DDX10: variants seen among roughly 807,000 people sequenced by gnomAD.
DDX10 encodes the protein DEAD-box helicase 10.
In DDX10, 74 loss-of-function variants were observed where a neutral mutation model predicts 104.3. The ratio of observed to expected loss-of-function variants is 0.71; its 90% CI spans 0.59 to 0.86. The LOEUF is 0.86. Among genes scored for constraint, DDX10 ranks in the 40% least tolerant of loss-of-function variants. The pLI is 0.00. For missense variants in DDX10, 952 were observed against 1,040.0 expected (o/e 0.92, Z 1.16); for synonymous variants, 351 against 353.4 (o/e 0.99, Z 0.08).
intron 13 of DDX10, among the ~76,000 whole-genome samples, chr11:108,750,083 G>A (rs2094336507): frequency 6.6e-6 from 1 of 152,064 alleles, no homozygotes; most frequent in Non-Finnish European, 1.5e-5. Flanking sequence ...TTGAGCTGGT[G>A]CTGCAAGGAA....
intron 17 of DDX10, among the ~76,000 whole-genome samples, chr11:108,928,275 C>A (rs1331390172): frequency 1.3e-5 from 2 of 152,206 alleles, no homozygotes; most frequent in African/African-American, 4.8e-5. Flanking sequence ...ATCAGTGAAT[C>A]AGTCTCTCTC....
At position 108,837,607 on chromosome 11, in the gene DDX10, C is replaced by CTTTTTTTTTTTTTTTTT. The variant is rs142381520; in HGVS notation, c.1966-820_1966-804dup. 2.6e-4 allele frequency among the ~76,000 whole-genome samples: 9 copies of CTTTTTTTTTTTTTTTTT among 34,748 alleles called. 4 individuals are homozygous for CTTTTTTTTTTTTTTTTT. Among genetic ancestry groups the CTTTTTTTTTTTTTTTTT allele is most frequent in the African/African-American group, 6.3e-4 (5 of 7,928 alleles). 22.8% of individuals were successfully genotyped at this position (34,748 alleles called of 152,430 possible). A position where few individuals can be genotyped will look rare whatever the true frequency, so the allele number is the denominator to read the frequency against. On this transcript the variant is annotated intron_variant, in intron 13 of 17. Transcript: ENST00000322536. The stretch of plus-strand genomic sequence containing the variant: ...TTCTGCATCTCACCTTTGGATACAG[C>CTTTTTTTTTTTTTTTTT]TTTTTTTTTTTTTTTTTTTTTTTTT...
In DDX10 at chr11:108,750,926, C is replaced by CTT. The variant is rs10582729; in HGVS notation, c.1965+27501_1965+27502dup. ...ACATGTGCATCACCACACCTGGTTA[C>CTT]TTTTTTTTTTTTTTTTTTTTTTTTT... On this transcript the variant is annotated intron_variant, in intron 13 of 17. Transcript: ENST00000322536. Among the ~76,000 whole-genome samples the CTT allele has an allele frequency of 7.8e-4, 19 of 24,262 alleles. 3 individuals are homozygous for CTT. Among genetic ancestry groups the CTT allele is most frequent in the East Asian group, 4.0e-3 (2 of 500 alleles). 15.9% of individuals were successfully genotyped at this position (24,262 alleles called of 152,430 possible).
At chr11:108,930,738 A>G (rs560383758) in intron 17 of DDX10, among the ~76,000 whole-genome samples, 1 of 152,310 alleles carries the variant, frequency 6.6e-6, no homozygotes, top group African/African-American at 2.4e-5. Flanking sequence ...CGTTTAAAAT[A>G]CAGTAGACTG....
chr11:108,674,896 C>A (rs1181123006), intron 2 of DDX10, among the ~76,000 whole-genome samples: 1 of 152,182 alleles, frequency 6.6e-6, no homozygotes, highest in Middle Eastern at 3.2e-3. Context: ...TTACTTCCCC[C>A]AGCTTCTGGT....
chr11:108,745,285 C>G (rs570735583), intron 13 of DDX10, among the ~76,000 whole-genome samples: 1 of 145,696 alleles, frequency 6.9e-6, no homozygotes, highest in African/African-American at 2.5e-5. Flanking sequence ...TTCCGTCTTA[C>G]TCTGTCACCC....
chr11:108,673,521 T>C lies in DDX10; in HGVS notation c.241T>C (p.Leu81=). The C allele has an allele frequency of 2.5e-6, 4 of 1,591,712 alleles. No individual in the cohort carries two copies. Among genetic ancestry groups the C allele is most frequent in the Admixed American group, 1.7e-5 (1 of 59,468 alleles). Residue 81 remains leucine, a synonymous_variant, in exon 2 of 18, where the codon TTG becomes CTG. Transcript: ENST00000322536. The part of the protein sequence containing the change: ...FSDFPLSKKT[L]KGLQEAQYRL... ...AGATTTTCCCTTGTCCAAAAAAACA[T>C]TGAAAGGTAAGTATATGGTGATCTT...
chr11:108,767,236 A>T (rs1006618221), intron 13 of DDX10: 1 of 152,188 alleles, frequency 6.6e-6, no homozygotes, highest in Admixed American at 6.5e-5. Context: ...TTATACTGAG[A>T]TGCTTTTGGA....
chr11:108,680,034 A>G (rs2134441797), intron 6 of DDX10, among the ~76,000 whole-genome samples: 1 of 152,354 alleles, frequency 6.6e-6, no homozygotes. Flanking sequence ...AGGATTATGC[A>G]GTACTAATGT....
Position 108,856,215 on chromosome 11 carries a change from C to T in DDX10, c.2304+4006C>T, listed in dbSNP as rs186739478. Reference sequence around the variant, plus strand: ...GAGGCCGAGATGGGTGGATCACCTGCGGTGAGGGGTTCAAGACCAGCCTGG... The same window carrying T: ...GAGGCCGAGATGGGTGGATCACCTGTGGTGAGGGGTTCAAGACCAGCCTGG... On this transcript the variant is annotated intron_variant, in intron 16 of 17. Transcript: ENST00000322536. Among the ~76,000 whole-genome samples the T allele has an allele frequency of 1.3e-3, 200 of 152,112 alleles. 2 individuals carry two copies. The highest frequency in any genetic ancestry group is 4.5e-3 in the African/African-American group (187 of 41,512).
chr11:108,774,395 T>G (rs2094367159), intron 13 of DDX10, among the ~76,000 whole-genome samples: 1 of 152,250 alleles, frequency 6.6e-6, no homozygotes. Context: ...GCTGTTATCT[T>G]TTTGTCCTTG....
intron 9 of DDX10, among the ~76,000 whole-genome samples, chr11:108,706,294 T>G (rs2134461251): frequency 6.6e-6 from 1 of 152,252 alleles, no homozygotes; most frequent in East Asian, 1.9e-4. Flanking sequence ...TTCTTATAAC[T>G]AATGCTTCAG....
intron 15 of DDX10, among the ~76,000 whole-genome samples, chr11:108,843,962 T>C (rs550608735): frequency 6.6e-6 from 1 of 152,356 alleles, no homozygotes; most frequent in Admixed American, 6.5e-5. Context: ...CATTTTCGCT[T>C]AGCTTTGAGC....
At chr11:108,841,114 T>C (rs1049386990) in intron 14 of DDX10, among the ~76,000 whole-genome samples, 2 of 152,240 alleles carry the variant, frequency 1.3e-5, no homozygotes, top group African/African-American at 2.4e-5. Context: ...CCTGTTCTCA[T>C]TGGGTATGGC....
At chr11:108,868,802 TC>T (rs1863041230) in intron 16 of DDX10, among the ~76,000 whole-genome samples, 1 of 152,108 alleles carries the variant, frequency 6.6e-6, no homozygotes, top group African/African-American at 2.4e-5. Flanking sequence ...TAATACCCTA[TC>T]AGAGCTCCCT....
At chr11:108,783,897 A>G (rs1384207440) in intron 13 of DDX10, among the ~76,000 whole-genome samples, 1 of 152,162 alleles carries the variant, frequency 6.6e-6, no homozygotes, top group Non-Finnish European at 1.5e-5. Flanking sequence ...ATTCCCATTT[A>G]GAAGTAAGAA....
chr11:108,925,770 A>G (rs1334451907), intron 17 of DDX10, among the ~76,000 whole-genome samples: 1 of 152,160 alleles, frequency 6.6e-6, no homozygotes, highest in Non-Finnish European at 1.5e-5. Flanking sequence ...AGTAATTTTT[A>G]AAAATTGTTA....
chr11:108,703,626 C>T (rs558725245), intron 9 of DDX10, among the ~76,000 whole-genome samples: 1 of 152,220 alleles, frequency 6.6e-6, no homozygotes, highest in East Asian at 1.9e-4. Flanking sequence ...CCGCGCTTGG[C>T]CTAAAGTGTA....
Position 108,815,934 on chromosome 11 carries a change from C to A in DDX10, c.1966-22512C>A, listed in dbSNP as rs138680937. On this transcript the variant is annotated intron_variant, in intron 13 of 17. Coordinates refer to ENST00000322536, the MANE Select transcript of DDX10 (RefSeq NM_004398.4). ...CCTCACCTTAAGTTTTCTTTTGAAT[C>A]TATTCAGGTCAGGTTTTTGTCCCTG... Among the ~76,000 whole-genome samples the A allele has an allele frequency of 3.3e-3, 501 of 152,248 alleles. 1 individual carries two copies. The highest frequency in any genetic ancestry group is 0.011 in the African/African-American group (471 of 41,556).
Sources: gnomAD v4.1 joint callset for allele counts (sites outside exome capture counted in the v4.1 genomes callset) on GRCh38, gnomAD v4.1.1 for gene constraint, MANE v1.5 for transcripts, NCBI Gene and HGNC (gene_info 2026-07-23, HGNC 2026-07-21) for gene names.